Variants in FMN1 observed in about 807,000 individuals in gnomAD.
The protein encoded by FMN1 is formin-1.
Under a neutral mutation model 132.4 loss-of-function variants are expected in FMN1, and 110 were observed. That is an observed-to-expected ratio of 0.83 (90% CI 0.71 to 0.97). The LOEUF is 0.97. Among genes scored for constraint, FMN1 ranks in the 50% least tolerant of loss-of-function variants. FMN1 has a pLI of 0.00. For missense variants in FMN1, 1,792 were observed against 1,705.3 expected (o/e 1.05, Z -0.90); for synonymous variants, 722 against 651.7 (o/e 1.11, Z -1.64).
intron 18 of FMN1, among the ~76,000 whole-genome samples, chr15:32,801,765 A>AT (rs2140993063): frequency 6.6e-6 from 1 of 152,232 alleles, no homozygotes; most frequent in East Asian, 1.9e-4. Flanking sequence ...ACTGCAATCC[A>AT]GCCTGGGCGA....
intron 6 of FMN1, among the ~76,000 whole-genome samples, chr15:33,059,259 T>C (rs550203901): frequency 5.3e-4 from 60 of 114,130 alleles, no homozygotes; most frequent in Non-Finnish European, 3.4e-4. Flanking sequence ...TATTCCATTG[T>C]ATATATATAA....
At chr15:33,118,070 C>T (rs978535383) in intron 4 of FMN1, among the ~76,000 whole-genome samples, 1 of 152,158 alleles carries the variant, frequency 6.6e-6, no homozygotes, top group East Asian at 1.9e-4. Context: ...TGACTTTCCA[C>T]AAGAAGAAAT....
At chr15:33,141,563 A>C (rs1454805724) in intron 4 of FMN1, among the ~76,000 whole-genome samples, 2 of 152,180 alleles carry the variant, frequency 1.3e-5, no homozygotes, top group Non-Finnish European at 2.9e-5. Context: ...GGGAAGCAGG[A>C]TTGGAGAAGA....
At chr15:32,912,300 G>T (rs1041282088) in intron 10 of FMN1, among the ~76,000 whole-genome samples, 4 of 152,186 alleles carry the variant, frequency 2.6e-5, no homozygotes, top group Non-Finnish European at 4.4e-5. Context: ...CTTCCAGTGT[G>T]TTCAGTAGCA....
At chr15:33,071,784 G>C (rs1327280260) in intron 5 of FMN1, among the ~76,000 whole-genome samples, 2 of 152,196 alleles carry the variant, frequency 1.3e-5, no homozygotes, top group Non-Finnish European at 2.9e-5. Context: ...CAGGGAATGA[G>C]AGTGTTTCAG....
At chr15:32,889,590 C>T (rs1170881884) in intron 15 of FMN1, among the ~76,000 whole-genome samples, 1 of 152,174 alleles carries the variant, frequency 6.6e-6, no homozygotes, top group Non-Finnish European at 1.5e-5. Context: ...AGGCCTTTGT[C>T]TATAAAATGG....
chr15:33,181,306 GT>G (rs1965691277), intron 2 of FMN1, among the ~76,000 whole-genome samples: 1 of 152,154 alleles, frequency 6.6e-6, no homozygotes, highest in Non-Finnish European at 1.5e-5. Context: ...CTCCTAAACT[GT>G]TTTCATATAG....
intron 7 of FMN1, among the ~76,000 whole-genome samples, chr15:32,985,765 C>T (rs2033027468): frequency 6.6e-6 from 1 of 152,070 alleles, no homozygotes; most frequent in Non-Finnish European, 1.5e-5. Context: ...TTTAGTGCCC[C>T]TCCCAACTGA....
At chr15:33,112,197 G>A (rs2039733600) in intron 4 of FMN1, among the ~76,000 whole-genome samples, 1 of 152,040 alleles carries the variant, frequency 6.6e-6, no homozygotes, top group African/African-American at 2.4e-5. Flanking sequence ...TCATCTACAT[G>A]ATAAAATGTT....
chr15:32,864,000 A>G (rs1210760057), intron 16 of FMN1, among the ~76,000 whole-genome samples: 1 of 152,230 alleles, frequency 6.6e-6, no homozygotes, highest in African/African-American at 2.4e-5. Context: ...ATGGACTTCT[A>G]TGAAAGGGGA....
At chr15:32,881,111 G>A (rs142916479) in intron 16 of FMN1, among the ~76,000 whole-genome samples, 3,935 of 152,022 alleles carry the variant, frequency 0.026, 63 homozygotes, top group Middle Eastern at 0.048. Flanking sequence ...AATCAAATAC[G>A]GGGGAGTAAA....
chr15:33,116,814 C>T (rs2039945771), intron 4 of FMN1, among the ~76,000 whole-genome samples: 1 of 151,924 alleles, frequency 6.6e-6, no homozygotes, highest in African/African-American at 2.4e-5. Context: ...AGGAAGGTTA[C>T]TATCCATCTG....
At chr15:33,178,787 C>T (rs562844882) in intron 3 of FMN1, among the ~76,000 whole-genome samples, 1 of 152,260 alleles carries the variant, frequency 6.6e-6, no homozygotes, top group South Asian at 2.1e-4. Context: ...TGCTTCAGAT[C>T]CTCATTATTC....
chr15:32,919,359 G>C (rs2060764854), intron 10 of FMN1, among the ~76,000 whole-genome samples: 1 of 152,088 alleles, frequency 6.6e-6, no homozygotes, highest in African/African-American at 2.4e-5. Context: ...TAAAAACAAG[G>C]ATAGCCAAAT....
chr15:32,811,136 C>T, intron 17 of FMN1: 1 of 455,192 alleles, frequency 2.2e-6, no homozygotes, highest in Non-Finnish European at 4.4e-6. Flanking sequence ...GAGAAGAAAA[C>T]AACAGATATT....
At chr15:33,090,359 A>G (rs930343526) in intron 4 of FMN1, among the ~76,000 whole-genome samples, 1 of 152,198 alleles carries the variant, frequency 6.6e-6, no homozygotes, top group Non-Finnish European at 1.5e-5. Context: ...TAGCATGCTT[A>G]TATTAGAGTA....
At chr15:33,001,658 G>T (rs2034121796) in intron 7 of FMN1, among the ~76,000 whole-genome samples, 1 of 128,846 alleles carries the variant, frequency 7.8e-6, no homozygotes, top group Non-Finnish European at 1.6e-5. Context: ...GGACATATTT[G>T]GGACATTGGA....
At chr15:33,050,557 A>G (rs183365228) in intron 6 of FMN1, among the ~76,000 whole-genome samples, 22 of 152,344 alleles carry the variant, frequency 1.4e-4, no homozygotes, top group African/African-American at 3.8e-4. Flanking sequence ...TACAAATTTA[A>G]AAAACAGTGT....
chr15:32,780,766 G>A (rs1393726004), intron 19 of FMN1, among the ~76,000 whole-genome samples: 5 of 152,158 alleles, frequency 3.3e-5, no homozygotes, highest in Admixed American at 1.3e-4. Context: ...TGGGTAACCG[G>A]TGGGGTCCTG....
Sources: allele counts gnomAD v4.1 joint callset (sites outside exome capture counted in the v4.1 genomes callset), GRCh38; gene constraint gnomAD v4.1.1; transcripts MANE v1.5; gene names NCBI Gene and HGNC (gene_info 2026-07-23, HGNC 2026-07-21).